Variants in EML5 observed in about 807,000 individuals in gnomAD.
EML5 encodes echinoderm microtubule-associated protein-like 5.
A neutral mutation model predicts 250.0 loss-of-function variants in EML5; 120 were observed. The ratio of observed to expected loss-of-function variants is 0.48; its 90% confidence interval spans 0.41 to 0.56. The LOEUF is 0.56. Ranked by LOEUF, EML5 falls within the 20% of genes least tolerant of loss-of-function variation. The pLI, the probability that EML5 is intolerant of heterozygous loss-of-function variation, is 0.00. For synonymous variants in EML5, 771 were observed against 806.5 expected (o/e 0.96, Z 0.75); for missense variants, 2,006 against 2,437.6 (o/e 0.82, Z 3.73).
intron 2 of EML5, among the ~76,000 whole-genome samples, chr14:88,751,233 T>C (rs2094089545): frequency 6.6e-6 from 1 of 152,222 alleles, no homozygotes; most frequent in Non-Finnish European, 1.5e-5. Flanking sequence ...TATCATTTTT[T>C]ACTTTATCAT....
chr14:88,722,307 A>G (rs1216925469), intron 8 of EML5, among the ~76,000 whole-genome samples: 2 of 152,240 alleles, frequency 1.3e-5, no homozygotes, highest in East Asian at 1.9e-4. Context: ...ACAAAGATGC[A>G]TGCATGTGTA....
At chr14:88,666,516 G>A (rs1401699797) in intron 21 of EML5, among the ~76,000 whole-genome samples, 1 of 152,148 alleles carries the variant, frequency 6.6e-6, no homozygotes, top group African/African-American at 2.4e-5. Flanking sequence ...ATGAGCCACA[G>A]CACCTGGCCT....
intron 29 of EML5, among the ~76,000 whole-genome samples, chr14:88,645,473 A>G (rs1844150144): frequency 1.3e-5 from 2 of 152,374 alleles, no homozygotes; most frequent in Non-Finnish European, 1.5e-5. Context: ...TTACTGTTCT[A>G]AAGTATCTAA....
chr14:88,664,703 C>T, intron 22 of EML5, 79 bp from the exon 23 acceptor site: 50 of 1,428,446 alleles, frequency 3.5e-5, no homozygotes, highest in Non-Finnish European at 4.7e-5. Context: ...AGTTAATTTT[C>T]CTTTTCTTTA....
intron 1 of EML5, 47 bp from the exon 2 acceptor site, chr14:88,754,718 T>C: frequency 6.7e-7 from 1 of 1,490,060 alleles, no homozygotes; most frequent in East Asian, 2.5e-5. Context: ...AAATTGCTTA[T>C]ACAGATTTTA....
In EML5 at chr14:88,702,445, C is replaced by T. The variant is rs1168913333; in HGVS notation, c.2238+1G>A. 6.2e-7 allele frequency: 1 copy of T among 1,606,150 alleles called. No homozygotes were observed. The highest frequency in any genetic ancestry group is 8.5e-7 in the Non-Finnish European group (1 of 1,176,540). On this transcript the variant is annotated splice_donor_variant, in intron 14 of 43. Coordinates refer to ENST00000554922, the MANE Select transcript of EML5 (RefSeq NM_183387.3). LOFTEE classifies it high-confidence loss of function. ...GCTTATTGTCAGTCTTTCAAACCTA[C>T]CTGGCCTGTTGCCACGTAGTCTTTC...
At chr14:88,699,172 T>TTATC (rs2093150171) in intron 14 of EML5, among the ~76,000 whole-genome samples, 1 of 151,950 alleles carries the variant, frequency 6.6e-6, no homozygotes. Flanking sequence ...GGAGCAGAAA[T>TTATC]TAGATAAAGT....
At chr14:88,722,918 A>T (rs976469473) in intron 8 of EML5, among the ~76,000 whole-genome samples, 19 of 151,464 alleles carry the variant, frequency 1.3e-4, no homozygotes, top group African/African-American at 4.1e-4. Flanking sequence ...AAATTAAAAT[A>T]AAAAAAATGT....
chr14:88,663,051 G>C lies in EML5; in HGVS notation c.3478C>G (p.Gln1160Glu). 6.4e-7 allele frequency: 1 copy of C among 1,552,558 alleles called. No homozygotes were observed. Among genetic ancestry groups the C allele is most frequent in the Non-Finnish European group, 8.7e-7 (1 of 1,147,276 alleles). ...CCTACCTCCACGCTGGGGATGGTTT[G>C]TTTTTTCCCTCTGGGAGCTTCAAAG... is the stretch of plus-strand genomic sequence containing the variant. Reference protein sequence around the residue: ...LFFEAPRGKKQTIPSVEVEKI... With the variant: ...LFFEAPRGKKETIPSVEVEKI... The change falls in exon 24 of 44, where the codon CAA becomes GAA. Residue 1160 changes from glutamine to glutamate, a missense_variant. By Grantham distance (29) the Gln-to-Glu change is conservative. Transcript: ENST00000554922.
chr14:88,629,055 C>T (rs1336553503), intron 33 of EML5, among the ~76,000 whole-genome samples: 3 of 151,754 alleles, frequency 2.0e-5, no homozygotes, highest in Non-Finnish European at 2.9e-5. Context: ...TAAACTTAAC[C>T]TCAATAAAGA....
At chr14:88,777,710 C>G (rs2094459870) in intron 1 of EML5, among the ~76,000 whole-genome samples, 1 of 152,242 alleles carries the variant, frequency 6.6e-6, no homozygotes, top group South Asian at 2.1e-4. Context: ...GGCACAGTGG[C>G]TCATGCCTGT....
chr14:88,647,789 T>C (rs937084097), intron 28 of EML5, among the ~76,000 whole-genome samples: 1 of 151,380 alleles, frequency 6.6e-6, no homozygotes, highest in Non-Finnish European at 1.5e-5. Flanking sequence ...GAATTCAATA[T>C]ATTTCATGTT....
At chr14:88,683,214 C>G (rs1052780066) in intron 20 of EML5, among the ~76,000 whole-genome samples, 3 of 132,926 alleles carry the variant, frequency 2.3e-5, no homozygotes, top group African/African-American at 8.4e-5. Context: ...TAGGCTAAAC[C>G]GTAGGCCAGC....
chr14:88,682,076 T>A, intron 20 of EML5, 45 bp from the exon 21 acceptor site: 1 of 1,458,706 alleles, frequency 6.9e-7, no homozygotes, highest in Non-Finnish European at 9.1e-7. Context: ...TGTGTGTATA[T>A]TTATACACAG....
intron 1 of EML5, among the ~76,000 whole-genome samples, chr14:88,788,897 C>T (rs951978718): frequency 3.5e-5 from 3 of 84,812 alleles, no homozygotes; most frequent in South Asian, 4.4e-4. Context: ...CCATCTTTAC[C>T]GAAAAAAAAA....
Position 88,662,556 on chromosome 14 carries a change from T to TC in EML5, c.3498+474_3498+475insG, listed in dbSNP as rs1258956289. ...GTGATTTATTCCTTTTTTTTTTTTT[T>TC]TTTTAATACAGGGTCTCACTTTGTC... is the stretch of plus-strand genomic sequence containing the variant. On this transcript the variant is annotated intron_variant, in intron 24 of 43. Transcript: ENST00000554922. 2.3e-5 allele frequency among the ~76,000 whole-genome samples: 3 copies of TC among 131,338 alleles called. No individual in the cohort carries two copies. The East Asian group carries it at 8.2e-4, about 36-fold the overall frequency. 86.2% of individuals were successfully genotyped at this position (131,338 alleles called of 152,430 possible). A position where few individuals can be genotyped will look rare whatever the true frequency, so the allele number is the denominator to read the frequency against.
At chr14:88,727,114 G>A (rs900173543) in intron 7 of EML5, among the ~76,000 whole-genome samples, 3 of 152,086 alleles carry the variant, frequency 2.0e-5, no homozygotes, top group African/African-American at 7.2e-5. Flanking sequence ...TAAACACAAT[G>A]TTTTGCCATC....
chr14:88,758,134 G>C (rs1467292348), intron 1 of EML5, among the ~76,000 whole-genome samples: 1 of 150,636 alleles, frequency 6.6e-6, no homozygotes, highest in East Asian at 2.0e-4. Context: ...TAGTATTACA[G>C]GCATGAGCCA....
intron 13 of EML5, 92 bp downstream of exon 13, chr14:88,704,768 A>C (rs1308154437): frequency 5.8e-6 from 5 of 863,824 alleles, no homozygotes; most frequent in Admixed American, 2.5e-5. Flanking sequence ...ATGTCATTTC[A>C]GGGGATACAG....
Sources: gnomAD v4.1 joint callset for allele counts (sites outside exome capture counted in the v4.1 genomes callset) on GRCh38, gnomAD v4.1.1 for gene constraint, MANE v1.5 for transcripts, NCBI Gene and HGNC (gene_info 2026-07-23, HGNC 2026-07-21) for gene names.